AGAP3: variants seen among roughly 807,000 people sequenced by gnomAD.
AGAP3 encodes arf-GAP with GTPase, ANK repeat and PH domain-containing protein 3.
In AGAP3, 24 loss-of-function variants were observed where a neutral mutation model predicts 96.9. The ratio of observed to expected loss-of-function variants is 0.25; its 90% CI spans 0.18 to 0.35. AGAP3 has a LOEUF of 0.35. Ranked by LOEUF, AGAP3 falls within the 10% of genes least tolerant of loss-of-function variation. The pLI is 1.00. For missense variants in AGAP3, 876 were observed against 1,254.2 expected, an observed-to-expected ratio of 0.70 and a Z score of 4.55; for synonymous variants, 563 against 536.1, an observed-to-expected ratio of 1.05 and a Z score of -0.69.
At chr7:151,101,191 C>T (rs1367606389) in intron 1 of AGAP3, among the ~76,000 whole-genome samples, 1 of 152,252 alleles carries the variant, frequency 6.6e-6, no homozygotes, top group Non-Finnish European at 1.5e-5. Flanking sequence ...GTGCTTGAGC[C>T]ACCAAGGAGC....
chr7:151,112,672 C>T (rs554983829), intron 1 of AGAP3, among the ~76,000 whole-genome samples: 99 of 152,222 alleles, frequency 6.5e-4, no homozygotes, highest in Non-Finnish European at 1.2e-3. Flanking sequence ...CATCTTGGCT[C>T]ACGGCAACCT....
At chr7:151,106,483 C>T (rs1799058962) in intron 1 of AGAP3, among the ~76,000 whole-genome samples, 1 of 151,680 alleles carries the variant, frequency 6.6e-6, no homozygotes, top group Non-Finnish European at 1.5e-5. Flanking sequence ...GCCTCAGGTG[C>T]TTTTTTTTGT....
chr7:151,122,895 C>T, intron 8 of AGAP3: 1 of 1,528,430 alleles, frequency 6.5e-7, no homozygotes, highest in Non-Finnish European at 8.7e-7. Flanking sequence ...GCCGAGCTCC[C>T]CACTCCAGAG....
rs751592676 is a variant in AGAP3, at chr7:151,143,916, G to A, written c.2709G>A (p.Glu903=). Reference sequence around the variant, plus strand: ...CCAATGGCACCAACCCCTCTGCTGAGCTGCACCGTAGTCCTAGCCTCCTAT... The same window carrying A: ...CCAATGGCACCAACCCCTCTGCTGAACTGCACCGTAGTCCTAGCCTCCTAT... ...EPANGTNPSA[E]LHRSPSLL Residue 903 remains glutamate, a synonymous_variant, in exon 18 of 18, where the codon GAG becomes GAA. Coordinates refer to ENST00000397238, the MANE Select transcript of AGAP3 (RefSeq NM_031946.7). The surrounding 1 kb of genome is among the most constrained non-coding windows in gnomAD (Gnocchi z 5.9). The A allele has an allele frequency of 1.2e-6, 2 of 1,614,066 alleles. No homozygotes were observed. The highest frequency in any genetic ancestry group is 2.2e-5 in the East Asian group (1 of 44,878).
At chr7:151,110,605 G>A (rs1036568380) in intron 1 of AGAP3, among the ~76,000 whole-genome samples, 1 of 152,142 alleles carries the variant, frequency 6.6e-6, no homozygotes, top group African/African-American at 2.4e-5. Context: ...GGTCTGAAGA[G>A]GTCCGCCCCA....
chr7:151,091,909 G>A (rs1483249786), intron 1 of AGAP3, among the ~76,000 whole-genome samples: 1 of 151,996 alleles, frequency 6.6e-6, no homozygotes, highest in African/African-American at 2.4e-5. Flanking sequence ...CCACATAGAG[G>A]AAACAGGATG....
chr7:151,117,355 G>C lies in AGAP3; in HGVS notation c.479-16G>C. Reference sequence around the variant, plus strand: ...CTTTCTCCACACTTTGGACCTGACTGCGCGCTCTGTCCTAGGGGGGCGGTT... The same window carrying C: ...CTTTCTCCACACTTTGGACCTGACTCCGCGCTCTGTCCTAGGGGGGCGGTT... On this transcript the variant is annotated splice_polypyrimidine_tract_variant and intron_variant, in intron 3 of 17. Coordinates refer to ENST00000397238, the MANE Select transcript of AGAP3 (RefSeq NM_031946.7). The C allele has an allele frequency of 6.2e-7, 1 of 1,614,072 alleles. No individual in the cohort carries two copies. The highest frequency in any genetic ancestry group is 8.5e-7 in the Non-Finnish European group (1 of 1,179,908).
At chr7:151,088,172 G>A (rs552092738) in intron 1 of AGAP3, among the ~76,000 whole-genome samples, 69 of 152,360 alleles carry the variant, frequency 4.5e-4, no homozygotes, top group Admixed American at 2.5e-3. Flanking sequence ...GGTTCTGGGG[G>A]ATAGTGCACC....
intron 7 of AGAP3, 98 bp from the exon 8 acceptor site, chr7:151,119,889 C>G (rs573040058): frequency 4.0e-6 from 5 of 1,239,912 alleles, no homozygotes; most frequent in African/African-American, 1.5e-5. Context: ...CCATGAGCCC[C>G]GGCCAGGCCC....
At position 151,143,393 on chromosome 7, in the gene AGAP3, G is replaced by A. The variant is rs1483833594; in HGVS notation, c.2326G>A (p.Ala776Thr). Reference protein sequence around the residue: ...RAKYEQKLFLAPLPSSDVPLG... With the variant: ...RAKYEQKLFLTPLPSSDVPLG... ...CAAGTATGAACAGAAGCTCTTCCTGGCCCCACTGCCAAGCTCAGATGTGCC... is the reference window on the plus strand; with the variant it reads ...CAAGTATGAACAGAAGCTCTTCCTGACCCCACTGCCAAGCTCAGATGTGCC... The change falls in exon 17 of 18, where the codon GCC becomes ACC. Residue 776 changes from alanine to threonine, a missense_variant. Around this residue, in one of 8 missense-constraint regions of AGAP3, gnomAD observed 213 missense variants for 253.8 expected, o/e 0.84. Coordinates refer to ENST00000397238, the MANE Select transcript of AGAP3 (RefSeq NM_031946.7). This position sits in a 1 kb window ranked among gnomAD's most constrained non-coding sequence, Gnocchi z 5.9. 6.2e-7 allele frequency: 1 copy of A among 1,614,062 alleles called. No individual in the cohort carries two copies. Among genetic ancestry groups the A allele is most frequent in the East Asian group, 2.2e-5 (1 of 44,886 alleles).
At chr7:151,137,468 C>G (rs1327306549) in intron 11 of AGAP3, among the ~76,000 whole-genome samples, 1 of 152,220 alleles carries the variant, frequency 6.6e-6, no homozygotes, top group Non-Finnish European at 1.5e-5. Context: ...GCCTCTGAGG[C>G]CCCACGGCTG....
chr7:151,090,772 G>A (rs975932828), intron 1 of AGAP3, among the ~76,000 whole-genome samples: 27 of 152,228 alleles, frequency 1.8e-4, no homozygotes, highest in Middle Eastern at 6.8e-3. Flanking sequence ...TGAAACCCCC[G>A]TCTCTACTAA....
intron 1 of AGAP3, chr7:151,115,490 G>A: frequency 2.0e-6 from 2 of 1,017,514 alleles, no homozygotes; most frequent in Non-Finnish European, 2.3e-6. Flanking sequence ...CCGACGCCCC[G>A]CGCGCAGCGC....
Position 151,120,160 on chromosome 7 carries a change from T to C in AGAP3, c.1128+15T>C, listed in dbSNP as rs748679031. ...ACATCTTCACGGTACGTGACTGCCCTCCTCCCCCGCCCAGCTGCCTTTGCT... is the reference window on the plus strand; with the variant it reads ...ACATCTTCACGGTACGTGACTGCCCCCCTCCCCCGCCCAGCTGCCTTTGCT... On this transcript the variant is annotated intron_variant, in intron 8 of 17. Transcript: ENST00000397238. 13 of 1,578,960 alleles carry C rather than the reference T, an allele frequency of 8.2e-6. No homozygotes were observed. Among genetic ancestry groups the C allele is most frequent in the Middle Eastern group, 1.7e-4 (1 of 5,906 alleles).
At chr7:151,130,543 G>A (rs968571760) in intron 10 of AGAP3, among the ~76,000 whole-genome samples, 2 of 152,016 alleles carry the variant, frequency 1.3e-5, no homozygotes, top group Admixed American at 1.3e-4. Flanking sequence ...AGTAAGGAGG[G>A]AGTTGGGCTT....
chr7:151,087,119 C>T, intron 1 of AGAP3, 47 bp downstream of exon 1: 2 of 1,545,148 alleles, frequency 1.3e-6, no homozygotes, highest in South Asian at 2.4e-5. Flanking sequence ...GTGGCCTCTC[C>T]GGCGCCGGCC....
At chr7:151,116,748 G>A (rs1052326765) in intron 1 of AGAP3, 45 bp from the exon 2 acceptor site, 29 of 1,609,536 alleles carry the variant, frequency 1.8e-5, no homozygotes, top group Non-Finnish European at 2.3e-5. Flanking sequence ...TGGGACAGGT[G>A]TGTGTGCCAC....
Position 151,140,080 on chromosome 7 carries a change from A to G in AGAP3, c.1768A>G (p.Thr590Ala). Residue 590 changes from threonine (T) to alanine (A), a missense_variant, in exon 13 of 18, where the codon ACC becomes GCC. Physicochemically the swap from Thr to Ala is moderately conservative, Grantham distance 58 (BLOSUM62 0). Around this residue, in one of 8 missense-constraint regions of AGAP3, gnomAD observed 155 missense variants for 144.4 expected, o/e 1.07. Coordinates refer to ENST00000397238, the MANE Select transcript of AGAP3 (RefSeq NM_031946.7). This position sits in a 1 kb window ranked among gnomAD's most constrained non-coding sequence, Gnocchi z 5.4. ...KKHRRKKSTG[T>A]PRPDGPSSAT... ...GCACCGGAGGAAAAAGAGCACCGGG[A>G]CCCCCCGACCAGACGGCCCCAGCAG... is the stretch of plus-strand genomic sequence containing the variant. The G allele has an allele frequency of 6.2e-7, 1 of 1,603,556 alleles. No individual in the cohort carries two copies. The highest frequency in any genetic ancestry group is 8.5e-7 in the Non-Finnish European group (1 of 1,175,634).
In AGAP3 at chr7:151,114,640, G is replaced by A. The variant is rs1799449562; in HGVS notation, c.332-2153G>A. ...GGCTTGCCGGCCGCGAGGTGGAGGA[G>A]TTGAGGGACTCGGTCGGCCCACACC... On this transcript the variant is annotated intron_variant, in intron 1 of 17. Transcript: ENST00000397238. This position sits in a 1 kb window ranked among gnomAD's most constrained non-coding sequence, Gnocchi z 4.4. 1 of 877,682 alleles carries A rather than the reference G, an allele frequency of 1.1e-6. No homozygotes were observed. The highest frequency in any genetic ancestry group is 1.4e-6 in the Non-Finnish European group (1 of 729,906). 54.4% of individuals were successfully genotyped at this position (877,682 alleles called of 1,614,324 possible). A position where few individuals can be genotyped will look rare whatever the true frequency, so the allele number is the denominator to read the frequency against.
Sources: allele counts gnomAD v4.1 joint callset (sites outside exome capture counted in the v4.1 genomes callset), GRCh38; gene constraint gnomAD v4.1.1; regional missense constraint gnomAD v4.1.1; non-coding constraint Gnocchi (gnomAD v3.1); transcripts MANE v1.5; gene names NCBI Gene and HGNC (gene_info 2026-07-23, HGNC 2026-07-21).